Variants in CYTH3 observed in about 807,000 individuals in gnomAD.
CYTH3 encodes the protein cytohesin-3.
In CYTH3, 23 loss-of-function variants were observed where a neutral mutation model predicts 55.1. That is an observed-to-expected ratio of 0.42 (90% CI 0.30 to 0.59). CYTH3 has a LOEUF of 0.59. CYTH3 is among the 20% of genes least tolerant of loss of function. The probability of loss-of-function intolerance (pLI) is 0.20; values close to 1 mark genes in which losing one functional copy is unlikely to be tolerated. For synonymous variants in CYTH3, 249 were observed against 194.9 expected, an observed-to-expected ratio of 1.28 and a Z score of -2.31; for missense variants, 413 against 524.8, an observed-to-expected ratio of 0.79 and a Z score of 2.08.
chr7:6,184,857 C>T (rs192907860), intron 4 of CYTH3, among the ~76,000 whole-genome samples: 184 of 152,268 alleles, frequency 1.2e-3, no homozygotes, highest in Non-Finnish European at 2.2e-3. Flanking sequence ...GGATTATACG[C>T]GTAAGCCACC....
At chr7:6,201,204 A>G (rs1784052441) in intron 1 of CYTH3, among the ~76,000 whole-genome samples, 2 of 152,196 alleles carry the variant, frequency 1.3e-5, no homozygotes, top group Non-Finnish European at 2.9e-5. Context: ...TGGGTGATAA[A>G]GCAGCATTCA....
chr7:6,201,993 G>A (rs1336914960), intron 1 of CYTH3, among the ~76,000 whole-genome samples: 3 of 152,188 alleles, frequency 2.0e-5, no homozygotes, highest in South Asian at 2.1e-4. Flanking sequence ...CAAATATACT[G>A]ATCTTTACCA....
intron 4 of CYTH3, among the ~76,000 whole-genome samples, chr7:6,179,602 ACCACAC>A (rs1783424648): frequency 1.1e-5 from 1 of 92,606 alleles, no homozygotes; most frequent in Admixed American, 9.9e-5. Context: ...ACACACACAC[ACCACAC>A]ACCACACACA....
intron 2 of CYTH3, among the ~76,000 whole-genome samples, chr7:6,190,177 C>T (rs887170295): frequency 6.6e-5 from 10 of 152,226 alleles, no homozygotes; most frequent in African/African-American, 1.9e-4. Flanking sequence ...GGTTTGCGAG[C>T]TGGCTACTGC....
chr7:6,185,451 C>T (rs1330045733), intron 4 of CYTH3, among the ~76,000 whole-genome samples: 2 of 151,940 alleles, frequency 1.3e-5, no homozygotes, highest in South Asian at 2.1e-4. Context: ...AATCCCAGCA[C>T]TTTGGGAGGC....
intron 1 of CYTH3, among the ~76,000 whole-genome samples, chr7:6,204,708 C>T (rs778823401): frequency 6.6e-6 from 1 of 152,164 alleles, no homozygotes; most frequent in East Asian, 1.9e-4. Context: ...AAGCCAGGGC[C>T]CACTCCTTTA....
At chr7:6,194,751 C>A (rs917046860) in intron 1 of CYTH3, among the ~76,000 whole-genome samples, 2 of 152,128 alleles carry the variant, frequency 1.3e-5, no homozygotes, top group African/African-American at 4.8e-5. Context: ...CCAAGGCAGG[C>A]GGATCATGAC....
At chr7:6,271,026 A>G (rs765613042) in intron 1 of CYTH3, among the ~76,000 whole-genome samples, 1 of 152,138 alleles carries the variant, frequency 6.6e-6, no homozygotes, top group Non-Finnish European at 1.5e-5. Flanking sequence ...ACAAGGGAAA[A>G]CAGCTATGCC....
Position 6,173,683 on chromosome 7 carries a change from A to G in CYTH3, c.419T>C (p.Phe140Ser). The G allele has an allele frequency of 6.2e-7, 1 of 1,612,620 alleles. No homozygotes were observed. Among genetic ancestry groups the G allele is most frequent in the Non-Finnish European group, 8.5e-7 (1 of 1,178,642 alleles). ...VLQAFVELHE[F>S]ADLNLVQALR... ...GGCTTGTACAAGGTTGAGATCAGCA[A>G]ACTCATGGAGTTCAACAAAGGCTTG... Residue 140 changes from phenylalanine to serine, a missense_variant, in exon 6 of 13, where the codon TTT becomes TCT. By Grantham distance (155) the Phe-to-Ser change is radical. Coordinates refer to ENST00000350796, the MANE Select transcript of CYTH3 (RefSeq NM_004227.4).
intron 1 of CYTH3, among the ~76,000 whole-genome samples, chr7:6,234,006 C>A (rs548013917): frequency 2.4e-4 from 37 of 152,326 alleles, no homozygotes; most frequent in African/African-American, 8.2e-4. Flanking sequence ...TAATCACCTA[C>A]AAAGAACCAC....
At chr7:6,181,167 T>G in intron 4 of CYTH3, among the ~76,000 whole-genome samples, 1 of 152,222 alleles carries the variant, frequency 6.6e-6, no homozygotes, top group East Asian at 1.9e-4. Flanking sequence ...CCCTTGCTAC[T>G]TAAATACTGA....
rs1562875133 is a variant in CYTH3 at position 6,169,617 on chromosome 7, C to T, written c.823+918G>A. ...TTGCGTGAACCCAGCTACCGCATCT[C>T]GCCCGCTTCACTGTGGGCATAAGGC... On this transcript the variant is annotated intron_variant, in intron 9 of 12. Coordinates refer to ENST00000350796, the MANE Select transcript of CYTH3 (RefSeq NM_004227.4). This position sits in a 1 kb window ranked among gnomAD's most constrained non-coding sequence, Gnocchi z 4.1. Among the ~76,000 whole-genome samples the T allele has an allele frequency of 6.6e-6, 1 of 152,204 alleles. No homozygotes were observed. The highest frequency in any genetic ancestry group is 2.4e-5 in the African/African-American group (1 of 41,450).
Position 6,173,671 on chromosome 7 carries a change from T to TTGAG in CYTH3, c.427_430dup (p.Asn144ThrfsTer24). 6.2e-7 allele frequency: 1 copy of TTGAG among 1,610,688 alleles called. No individual in the cohort carries two copies. The highest frequency in any genetic ancestry group is 8.5e-7 in the Non-Finnish European group (1 of 1,176,910). ...TACTTACCTTAAGGCTTGTACAAGG[T>TTGAG]TGAGATCAGCAAACTCATGGAGTTC... On this transcript the variant is annotated frameshift_variant, in exon 6 of 13. Coordinates refer to ENST00000350796, the MANE Select transcript of CYTH3 (RefSeq NM_004227.4). LOFTEE classifies it high-confidence loss of function.
chr7:6,212,030 ATTCT>A (rs1784329796), intron 1 of CYTH3, among the ~76,000 whole-genome samples: 3 of 152,250 alleles, frequency 2.0e-5, no homozygotes, highest in South Asian at 4.1e-4. Context: ...GGTCTTATTC[ATTCT>A]TTCTAACTAA....
At chr7:6,190,771 C>T (rs944540775) in intron 1 of CYTH3, among the ~76,000 whole-genome samples, 1 of 152,014 alleles carries the variant, frequency 6.6e-6, no homozygotes, top group African/African-American at 2.4e-5. Context: ...AAATAGAATC[C>T]CATCCAACAA....
intron 1 of CYTH3, among the ~76,000 whole-genome samples, chr7:6,259,567 A>G (rs1780223980): frequency 6.7e-6 from 1 of 150,336 alleles, no homozygotes; most frequent in Non-Finnish European, 1.5e-5. Context: ...GCCAAATTAT[A>G]AAGCACTACA....
intron 1 of CYTH3, among the ~76,000 whole-genome samples, chr7:6,193,791 G>A (rs1199703378): frequency 1.3e-5 from 2 of 152,144 alleles, no homozygotes; most frequent in Admixed American, 6.6e-5. Flanking sequence ...AGAGACTAGG[G>A]CACTTCTAAC....
intron 5 of CYTH3, among the ~76,000 whole-genome samples, chr7:6,175,676 T>A (rs945122540): frequency 6.6e-6 from 1 of 150,980 alleles, no homozygotes; most frequent in African/African-American, 2.4e-5. Flanking sequence ...GCCTCCCGAG[T>A]GGCTGGGATT....
chr7:6,211,425 G>A lies in CYTH3; in HGVS notation c.35-20894C>T, dbSNP rs575136313. Among the ~76,000 whole-genome samples the A allele has an allele frequency of 2.0e-5, 3 of 152,374 alleles. No individual in the cohort carries two copies. In the South Asian group the frequency reaches 6.2e-4, roughly 32 times the overall value. On this transcript the variant is annotated intron_variant, in intron 1 of 12. Transcript: ENST00000350796. Reference sequence around the variant, plus strand: ...TCCTGGCTCTACCACTTCATTAGCTGTGCAAGACCGGACACCTGTGCTTTG... The same window carrying A: ...TCCTGGCTCTACCACTTCATTAGCTATGCAAGACCGGACACCTGTGCTTTG...
Sources: allele counts gnomAD v4.1 joint callset (sites outside exome capture counted in the v4.1 genomes callset), GRCh38; gene constraint gnomAD v4.1.1; non-coding constraint Gnocchi (gnomAD v3.1); transcripts MANE v1.5; gene names NCBI Gene and HGNC (gene_info 2026-07-23, HGNC 2026-07-21).